The following CDH18 variants were observed in gnomAD, a reference collection of about 807,000 sequenced individuals.
CDH18 encodes the protein cadherin-18.
Under a neutral mutation model 67.9 loss-of-function variants are expected in CDH18, and 31 were observed. That is an observed-to-expected ratio of 0.46 (90% CI 0.34 to 0.62). The LOEUF is 0.62. Ranked by LOEUF, CDH18 falls within the 20% of genes least tolerant of loss-of-function variation. CDH18 has a pLI of 0.01. For synonymous variants in CDH18, 362 were observed against 347.2 expected, an observed-to-expected ratio of 1.04 and a Z score of -0.48; for missense variants, 890 against 975.5, an observed-to-expected ratio of 0.91 and a Z score of 1.17.
chr5:19,473,747 TAAGAA>T, intron 12 of CDH18, 31 bp from the exon 13 acceptor site: 1 of 1,514,728 alleles, frequency 6.6e-7, no homozygotes, highest in Non-Finnish European at 8.9e-7. Flanking sequence ...GATGAAGAAT[TAAGAA>T]AACAGGAAGG....
At chr5:20,540,456 GTTTTAAGACATAT>G (rs1756992388) in intron 1 of CDH18, among the ~76,000 whole-genome samples, 1 of 152,116 alleles carries the variant, frequency 6.6e-6, no homozygotes, top group Non-Finnish European at 1.5e-5. Context: ...ACCAGTCACA[GTTTTAAGACATAT>G]ATATGTATGT....
chr5:20,473,513 G>C (rs1420886470), intron 1 of CDH18, among the ~76,000 whole-genome samples: 1 of 151,706 alleles, frequency 6.6e-6, no homozygotes, highest in East Asian at 1.9e-4. Context: ...TTTTCTTTTT[G>C]CTATTTTACT....
intron 2 of CDH18, among the ~76,000 whole-genome samples, chr5:20,122,127 G>A (rs1267278719): frequency 6.6e-6 from 1 of 152,136 alleles, no homozygotes; most frequent in East Asian, 1.9e-4. Flanking sequence ...TCTTCTCAAA[G>A]CAATTTATGT....
At chr5:20,494,787 G>A (rs1364329194) in intron 1 of CDH18, among the ~76,000 whole-genome samples, 1 of 152,104 alleles carries the variant, frequency 6.6e-6, no homozygotes, top group Non-Finnish European at 1.5e-5. Context: ...AGTAGGTCTG[G>A]AGGAGTGGGG....
intron 3 of CDH18, among the ~76,000 whole-genome samples, chr5:19,778,398 A>G (rs986862153): frequency 3.3e-5 from 5 of 152,198 alleles, no homozygotes; most frequent in African/African-American, 1.2e-4. Flanking sequence ...AGACAAGAAG[A>G]AACAGAACTA....
intron 1 of CDH18, among the ~76,000 whole-genome samples, chr5:20,391,188 T>C (rs2150115716): frequency 6.6e-6 from 1 of 152,124 alleles, no homozygotes; most frequent in South Asian, 2.1e-4. Context: ...CATAAACATG[T>C]ATATAACATA....
rs117116719 is a variant in CDH18 at position 20,543,654 on chromosome 5, T to C, written c.-580+31808A>G. On this transcript the variant is annotated intron_variant, in intron 1 of 14. Transcript: ENST00000507958. ...TACCCTCACCACAATTCCTATTTCA[T>C]ATGACTTTCTCTTTGTCACTACTAA... Among the ~76,000 whole-genome samples the C allele has an allele frequency of 5.0e-4, 76 of 152,292 alleles. 2 individuals carry two copies. In the East Asian group the frequency reaches 0.014, roughly 29 times the overall value.
chr5:19,873,710 C>T (rs975724083), intron 2 of CDH18, among the ~76,000 whole-genome samples: 14 of 152,042 alleles, frequency 9.2e-5, no homozygotes, highest in East Asian at 1.9e-4. Context: ...TGCAGTGGCA[C>T]GATCTTGGCT....
intron 6 of CDH18, among the ~76,000 whole-genome samples, chr5:19,600,092 A>G (rs1023288279): frequency 2.0e-5 from 3 of 151,660 alleles, no homozygotes; most frequent in East Asian, 2.0e-4. Flanking sequence ...TCAGCAAACT[A>G]TTGCAAGGAC....
intron 2 of CDH18, among the ~76,000 whole-genome samples, chr5:20,021,010 T>C (rs1171815688): frequency 6.6e-6 from 1 of 151,510 alleles, no homozygotes; most frequent in Non-Finnish European, 1.5e-5. Context: ...CTCAAGGCCT[T>C]GGGACCCAAC....
intron 2 of CDH18, among the ~76,000 whole-genome samples, chr5:19,907,270 A>C (rs1021881224): frequency 6.6e-6 from 1 of 151,968 alleles, no homozygotes; most frequent in Non-Finnish European, 1.5e-5. Context: ...GTCAAAAATC[A>C]TAGTATAGGT....
chr5:20,509,373 G>C (rs554273586), intron 1 of CDH18, among the ~76,000 whole-genome samples: 1 of 148,334 alleles, frequency 6.7e-6, no homozygotes, highest in South Asian at 2.1e-4. Context: ...TAATCTACAG[G>C]TTTATCTATG....
intron 5 of CDH18, among the ~76,000 whole-genome samples, chr5:19,644,531 C>G (rs1358840959): frequency 1.3e-5 from 2 of 152,152 alleles, no homozygotes; most frequent in Non-Finnish European, 2.9e-5. Flanking sequence ...ATTCTGGGAA[C>G]AGTTGTTCCT....
intron 1 of CDH18, among the ~76,000 whole-genome samples, chr5:20,321,526 T>A (rs1454382709): frequency 6.6e-6 from 1 of 152,142 alleles, no homozygotes; most frequent in Non-Finnish European, 1.5e-5. Context: ...TTCACATTAC[T>A]TTTTTTAAAA....
rs766955714 is a variant in CDH18, at chr5:19,748,112, C to CAAA, written c.229-879_229-877dup. Among the ~76,000 whole-genome samples, 57 of 14,840 alleles carry CAAA rather than the reference C, an allele frequency of 3.8e-3. 5 individuals carry two copies. Among genetic ancestry groups the CAAA allele is most frequent in the East Asian group, 0.018 (4 of 226 alleles). 9.7% of individuals were successfully genotyped at this position (14,840 alleles called of 152,430 possible). A position where few individuals can be genotyped will look rare whatever the true frequency, so the allele number is the denominator to read the frequency against. ...TGGGAGACAGAGCGAGACTCCATCT[C>CAAA]AAAAAAAAAAAAAAAAAAAAAGAGT... On this transcript the variant is annotated intron_variant, in intron 3 of 12. Coordinates refer to ENST00000382275, the MANE Select transcript of CDH18 (RefSeq NM_004934.5).
intron 5 of CDH18, among the ~76,000 whole-genome samples, chr5:19,678,327 T>A (rs1759788252): frequency 6.7e-6 from 1 of 148,508 alleles, no homozygotes; most frequent in South Asian, 2.1e-4. Context: ...ACTAGAAAAA[T>A]CACTTAAAAC....
intron 2 of CDH18, among the ~76,000 whole-genome samples, chr5:20,236,549 A>G (rs1742489394): frequency 6.6e-6 from 1 of 152,020 alleles, no homozygotes; most frequent in South Asian, 2.1e-4. Flanking sequence ...ACAAAAAGAC[A>G]TACTACAAAC....
intron 11 of CDH18, among the ~76,000 whole-genome samples, chr5:19,499,162 T>A (rs776667199): frequency 5.3e-5 from 8 of 152,196 alleles, no homozygotes; most frequent in Non-Finnish European, 7.3e-5. Context: ...GTCCCTCATG[T>A]AGAAATTAAA....
At chr5:19,558,488 A>G (rs1738854845) in intron 8 of CDH18, among the ~76,000 whole-genome samples, 3 of 152,222 alleles carry the variant, frequency 2.0e-5, no homozygotes, top group Admixed American at 6.5e-5. Context: ...CAGACATACA[A>G]AAGAGCATTC....
Sources: gnomAD v4.1 joint callset for allele counts (sites outside exome capture counted in the v4.1 genomes callset) on GRCh38, gnomAD v4.1.1 for gene constraint, MANE v1.5 for transcripts, NCBI Gene and HGNC (gene_info 2026-07-23, HGNC 2026-07-21) for gene names.